The following PRELID2 variants were observed in gnomAD, a reference collection of about 807,000 sequenced individuals.
PRELID2 encodes PRELI domain-containing protein 2.
Under a neutral mutation model 28.4 loss-of-function variants are expected in PRELID2, and 25 were observed. The observed-to-expected ratio is 0.88, with a 90% confidence interval of 0.64 to 1.23. PRELID2 has a LOEUF of 1.23. Among genes scored for constraint, PRELID2 ranks in the 50% most tolerant of loss-of-function variants. PRELID2 has a pLI of 0.00. For missense variants in PRELID2, 201 were observed against 214.4 expected (o/e 0.94, Z 0.39); for synonymous variants, 76 against 71.6 (o/e 1.06, Z -0.31).
Position 145,758,634 on chromosome 5 carries a change from T to G in PRELID2, c.*1902A>C, listed in dbSNP as rs1377318964. Among the ~76,000 whole-genome samples, 2 of 152,192 alleles carry G rather than the reference T, an allele frequency of 1.3e-5. No individual in the cohort carries two copies. The highest frequency in any genetic ancestry group is 2.9e-5 in the Non-Finnish European group (2 of 68,038). On this transcript the variant is annotated 3_prime_UTR_variant, in exon 7 of 7. Coordinates refer to ENST00000683046, the MANE Select transcript of PRELID2 (RefSeq NM_205846.3). ...CTAATGTCAACCTCCAAATACAAAT[T>G]TCTTGCCTCTCACTTCCACAATAAT...
intron 1 of PRELID2, among the ~76,000 whole-genome samples, chr5:145,739,170 G>A (rs535882796): frequency 6.6e-6 from 1 of 152,246 alleles, no homozygotes; most frequent in South Asian, 2.1e-4. Context: ...TAAAAGAATG[G>A]CTGAAGTATA....
the PRELID2 span, among the ~76,000 whole-genome samples, chr5:145,434,326 A>G: frequency 2.2e-4 from 33 of 152,354 alleles, 1 homozygote; most frequent in South Asian, 6.6e-3. Flanking sequence ...ATCCATGAGT[A>G]TTCATTGAAC....
intron 1 of PRELID2, among the ~76,000 whole-genome samples, chr5:145,732,544 A>C (rs1358981418): frequency 6.6e-6 from 1 of 152,214 alleles, no homozygotes; most frequent in East Asian, 1.9e-4. Context: ...CAAAATTTTA[A>C]TTGGATATAA....
At chr5:145,272,994 CA>C in the PRELID2 span, among the ~76,000 whole-genome samples, 2 of 152,048 alleles carry the variant, frequency 1.3e-5, no homozygotes, top group Non-Finnish European at 2.9e-5. Context: ...AGAGTAGCAG[CA>C]GGTGGGGCCA....
chr5:145,742,018 GT>G lies in PRELID2; in HGVS notation n.70+22912del, dbSNP rs1561568949. On this transcript the variant is annotated intron_variant and non_coding_transcript_variant, in intron 1 of 2. Coordinates refer to the PRELID2 transcript ENST00000510259. ...ATTATAAATAATAAATTTATTATAA[GT>G]AAATAAATTTATTCATTAATAATAA... Among the ~76,000 whole-genome samples the G allele has an allele frequency of 5.0e-4, 60 of 120,096 alleles. No homozygotes were observed. The East Asian group carries it at 8.7e-3, about 17-fold the overall frequency. The allele number at this position is 120,096 out of a possible 152,430, so 78.8% of individuals were successfully genotyped here.
At chr5:145,781,595 G>A (rs1751601802) in intron 5 of PRELID2, among the ~76,000 whole-genome samples, 1 of 146,104 alleles carries the variant, frequency 6.8e-6, no homozygotes, top group Non-Finnish European at 1.5e-5. Context: ...TAGATATATA[G>A]TATATCTATA....
the PRELID2 span, among the ~76,000 whole-genome samples, chr5:145,276,235 A>G: frequency 6.6e-6 from 1 of 152,154 alleles, no homozygotes; most frequent in Non-Finnish European, 1.5e-5. Flanking sequence ...CATTAATGAC[A>G]AATGTGCATT....
rs529991988 is a variant in PRELID2 at position 145,523,382 on chromosome 5, C to T, written n.71-50067G>A. The stretch of plus-strand genomic sequence containing the variant: ...AACAAAGTTCATATATTCAATTTGG[C>T]CCCAAACCATTTTTTGATCTTCTCA... On this transcript the variant is annotated intron_variant and non_coding_transcript_variant, in intron 1 of 2. Transcript: ENST00000510259. Among the ~76,000 whole-genome samples, 158 of 152,250 alleles carry T rather than the reference C, an allele frequency of 1.0e-3. 2 individuals carry two copies. Among genetic ancestry groups the T allele is most frequent in the African/African-American group, 3.7e-3 (152 of 41,552 alleles).
chr5:145,628,732 G>T (rs1194012712), intron 1 of PRELID2, among the ~76,000 whole-genome samples: 6 of 152,110 alleles, frequency 3.9e-5, no homozygotes, highest in Non-Finnish European at 7.4e-5. Context: ...ATGATCTGTG[G>T]TTATTAACTG....
At chr5:145,607,074 G>A (rs1215024160) in intron 1 of PRELID2, among the ~76,000 whole-genome samples, 1 of 151,992 alleles carries the variant, frequency 6.6e-6, no homozygotes, top group East Asian at 1.9e-4. Context: ...TATTTCTGTG[G>A]GGTCAGTGAT....
chr5:145,689,807 G>A (rs900934299), intron 1 of PRELID2, among the ~76,000 whole-genome samples: 4 of 152,144 alleles, frequency 2.6e-5, no homozygotes, highest in Admixed American at 1.3e-4. Flanking sequence ...CCAATCGGGG[G>A]CAGTCTGAGG....
the PRELID2 span, among the ~76,000 whole-genome samples, chr5:145,336,175 C>T: frequency 1.3e-3 from 201 of 152,094 alleles, 11 homozygotes; most frequent in South Asian, 0.041. Flanking sequence ...GGATATTAGC[C>T]CTTTGTCAGA....
intron 1 of PRELID2, among the ~76,000 whole-genome samples, chr5:145,612,451 C>G (rs1177200171): frequency 3.3e-5 from 5 of 151,962 alleles, no homozygotes; most frequent in African/African-American, 1.2e-4. Flanking sequence ...GACAATTCAA[C>G]TTTATTTTTT....
intron 1 of PRELID2, among the ~76,000 whole-genome samples, chr5:145,638,681 A>C (rs545591335): frequency 3.0e-4 from 45 of 152,346 alleles, no homozygotes; most frequent in African/African-American, 1.1e-3. Context: ...AGCAAGATAG[A>C]GTCTATGACC....
the PRELID2 span, among the ~76,000 whole-genome samples, chr5:145,302,013 A>C: frequency 2.0e-5 from 3 of 151,030 alleles, no homozygotes; most frequent in African/African-American, 2.4e-5. Context: ...ACTACACACA[A>C]AAAAAAGATG....
chr5:145,835,263 G>GC lies in PRELID2; in HGVS notation c.-13dup. ...ACCGAGACCCCCATCCCCGCGCGCCGCGGGCCCCGCGCACCGGCCACGCCT... is the reference window on the plus strand; with the variant it reads ...ACCGAGACCCCCATCCCCGCGCGCCGCCGGGCCCCGCGCACCGGCCACGCCT... On this transcript the variant is annotated 5_prime_UTR_variant, in exon 1 of 7. Coordinates refer to ENST00000683046, the MANE Select transcript of PRELID2 (RefSeq NM_205846.3). 1 of 1,541,364 alleles carries GC rather than the reference G, an allele frequency of 6.5e-7. No homozygotes were observed. Among genetic ancestry groups the GC allele is most frequent in the Non-Finnish European group, 8.8e-7 (1 of 1,140,656 alleles).
intron 1 of PRELID2, among the ~76,000 whole-genome samples, chr5:145,483,779 A>G (rs1397838359): frequency 3.3e-5 from 5 of 152,218 alleles, no homozygotes; most frequent in Admixed American, 3.3e-4. Flanking sequence ...ACCTATCACA[A>G]TATGCTAAGA....
chr5:145,386,883 C>G, the PRELID2 span, among the ~76,000 whole-genome samples: 3 of 152,158 alleles, frequency 2.0e-5, no homozygotes, highest in Non-Finnish European at 4.4e-5. Context: ...TTCTACATCA[C>G]TTTATAACAT....
chr5:145,317,023 G>A, the PRELID2 span, among the ~76,000 whole-genome samples: 3 of 152,148 alleles, frequency 2.0e-5, no homozygotes, highest in Non-Finnish European at 4.4e-5. Context: ...GTAATCCACC[G>A]GGGTCAAGAG....
Sources: gnomAD v4.1 joint callset for allele counts (sites outside exome capture counted in the v4.1 genomes callset) on GRCh38, gnomAD v4.1.1 for gene constraint, MANE v1.5 for transcripts, NCBI Gene and HGNC (gene_info 2026-07-23, HGNC 2026-07-21) for gene names.